The following TENM1 variants were observed in gnomAD, a reference collection of about 807,000 sequenced individuals.
TENM1 encodes the protein teneurin-1.
TENM1 carries 35 observed loss-of-function variants against 174.8 expected under a neutral mutation model. The ratio of observed to expected loss-of-function variants is 0.20; its 90% CI spans 0.15 to 0.27. TENM1 has a LOEUF of 0.27. Among genes scored for constraint, TENM1 ranks in the 10% least tolerant of loss-of-function variants. TENM1 has a pLI of 1.00. For synonymous variants in TENM1, 781 were observed against 798.7 expected (o/e 0.98, Z 0.37); for missense variants, 1,633 against 2,130.1 (o/e 0.77, Z 4.59).
chrX:125,126,070 T>C, the TENM1 span, among the ~76,000 whole-genome samples: 1 of 112,216 alleles, frequency 8.9e-6, no homozygotes, highest in Admixed American at 9.5e-5. Context: ...CACTAAGCCT[T>C]TGGAAATAAT....
chrX:125,189,509 A>G, the TENM1 span, among the ~76,000 whole-genome samples: 1 of 112,247 alleles, frequency 8.9e-6, no homozygotes, highest in Non-Finnish European at 1.9e-5. Context: ...TTTTGGAGAT[A>G]GGCTAGACCC....
intron 5 of TENM1, among the ~76,000 whole-genome samples, chrX:124,685,176 A>G (rs1417590643): frequency 9.0e-6 from 1 of 110,992 alleles, no homozygotes; most frequent in Non-Finnish European, 1.9e-5. Context: ...ACAACAAAGC[A>G]CCTGTAACCA....
intron 10 of TENM1, 112 bp downstream of exon 13, chrX:124,645,031 G>A (rs898495630): frequency 2.8e-6 from 2 of 712,337 alleles, no homozygotes; most frequent in Non-Finnish European, 4.2e-6. Context: ...AAGACGCTGA[G>A]CATTTATTGT....
At chrX:124,681,154 CT>C (rs755159895) in intron 5 of TENM1, among the ~76,000 whole-genome samples, 246 of 111,772 alleles carry the variant, frequency 2.2e-3, no homozygotes, top group Middle Eastern at 4.6e-3. Flanking sequence ...CTTCTGCAAA[CT>C]TTTAGATATT....
At chrX:124,760,541 A>T (rs1166417662) in intron 3 of TENM1, among the ~76,000 whole-genome samples, 1 of 112,134 alleles carries the variant, frequency 8.9e-6, no homozygotes, top group African/African-American at 3.2e-5. Flanking sequence ...ACAAAAATTA[A>T]TTCAAGATGG....
At chrX:124,826,729 T>C (rs2056170993) in intron 3 of TENM1, among the ~76,000 whole-genome samples, 1 of 112,076 alleles carries the variant, frequency 8.9e-6, no homozygotes, top group Non-Finnish European at 1.9e-5. Context: ...TCTGTACTTT[T>C]GAAATGCACT....
chrX:124,867,635 C>T (rs749294618), intron 3 of TENM1, among the ~76,000 whole-genome samples: 3 of 111,728 alleles, frequency 2.7e-5, no homozygotes, highest in African/African-American at 6.5e-5. Context: ...GAAGTCCTAG[C>T]TAGAGTAATC....
the TENM1 span, among the ~76,000 whole-genome samples, chrX:125,193,694 TC>T: frequency 9.0e-6 from 1 of 111,705 alleles, no homozygotes. Context: ...GTATATACTC[TC>T]TAGCTAAGCT....
intron 4 of TENM1, among the ~76,000 whole-genome samples, chrX:124,706,046 C>T (rs1459997341): frequency 9.0e-6 from 1 of 111,298 alleles, no homozygotes; most frequent in Non-Finnish European, 1.9e-5. Context: ...GCTGGGACTA[C>T]AGTTCGCACC....
intron 1 of TENM1, among the ~76,000 whole-genome samples, chrX:124,952,565 T>C (rs2058507071): frequency 9.0e-6 from 1 of 111,464 alleles, no homozygotes; most frequent in South Asian, 3.7e-4. Context: ...TGGTTGTATG[T>C]CAATGTGATA....
intron 4 of TENM1, among the ~76,000 whole-genome samples, chrX:124,716,806 C>A (rs1210022021): frequency 9.0e-6 from 1 of 111,635 alleles, no homozygotes; most frequent in Non-Finnish European, 1.9e-5. Flanking sequence ...GTGTATAACT[C>A]CCTAAACACA....
exon 5 of TENM1, chrX:124,705,171 G>A: frequency 8.3e-7 from 1 of 1,211,319 alleles, no homozygotes; most frequent in South Asian, 1.8e-5. Flanking sequence ...CGAGTACACG[G>A]TATTGGATGT....
intron 27 of TENM1, among the ~76,000 whole-genome samples, chrX:124,399,064 G>A (rs2060370541): frequency 8.9e-6 from 1 of 111,874 alleles, no homozygotes; most frequent in Admixed American, 9.5e-5. Context: ...ATAATATAAT[G>A]TTTTTTACTC....
At position 124,611,241 on chromosome X, in the gene TENM1, T is replaced by C. The variant is rs556804179; in HGVS notation, c.2077+30550A>G. Among the ~76,000 whole-genome samples the C allele has an allele frequency of 8.8e-4, 99 of 111,892 alleles. 1 individual carries two copies. The highest frequency in any genetic ancestry group is 6.0e-3 in the South Asian group (16 of 2,668). ...CAGGCTAAAAGAAAATGGAGATTTG[T>C]GCAATGGCTCTTAAAAGCTTCCACT... On this transcript the variant is annotated intron_variant, in intron 11 of 31. Transcript: ENST00000422452.
chrX:124,853,648 G>A lies in TENM1; in HGVS notation c.535+40648C>T, dbSNP rs188725223. Among the ~76,000 whole-genome samples, 12 of 110,962 alleles carry A rather than the reference G, an allele frequency of 1.1e-4. 1 individual carries two copies. Among genetic ancestry groups the A allele is most frequent in the South Asian group, 7.7e-4 (2 of 2,612 alleles). On this transcript the variant is annotated intron_variant, in intron 3 of 31. Transcript: ENST00000422452. ...TTTTCTGCTGTCTGCGAAGGTGTGC[G>A]TGGAGTAAATATTTCAGAGACAATA...
chrX:124,431,306 A>T (rs934360370), intron 23 of TENM1, among the ~76,000 whole-genome samples: 1 of 112,236 alleles, frequency 8.9e-6, no homozygotes, highest in African/African-American at 3.2e-5. Context: ...GACACTTCTA[A>T]TCTCCCTCTT....
the TENM1 span, among the ~76,000 whole-genome samples, chrX:125,154,673 C>A: frequency 9.0e-6 from 1 of 111,117 alleles, no homozygotes; most frequent in Admixed American, 9.6e-5. Flanking sequence ...GTGAGTGTTA[C>A]AGTTCTTAAA....
chrX:124,673,812 G>A (rs776242661), intron 5 of TENM1, among the ~76,000 whole-genome samples: 31 of 111,193 alleles, frequency 2.8e-4, no homozygotes, highest in African/African-American at 9.1e-4. Flanking sequence ...GTGGGAGGGC[G>A]TAGAAAAAAG....
chrX:125,014,624 T>G, the TENM1 span, among the ~76,000 whole-genome samples: 1 of 111,705 alleles, frequency 9.0e-6, no homozygotes, highest in Admixed American at 9.5e-5. Flanking sequence ...AAAAATATAT[T>G]TAAGTAATTG....
Sources: allele counts gnomAD v4.1 joint callset (sites outside exome capture counted in the v4.1 genomes callset), GRCh38; gene constraint gnomAD v4.1.1; transcripts MANE v1.5; gene names NCBI Gene and HGNC (gene_info 2026-07-23, HGNC 2026-07-21).